The following EPHA10 variants were observed in gnomAD, a reference collection of about 807,000 sequenced individuals.
EPHA10 encodes the protein EPH receptor A10.
In EPHA10, 120 loss-of-function variants were observed where a neutral mutation model predicts 109.7. The ratio of observed to expected loss-of-function variants is 1.09; its 90% CI spans 0.94 to 1.27. EPHA10 has a LOEUF of 1.27. Ranked by LOEUF, EPHA10 falls within the 50% of genes most tolerant of loss-of-function variation. The probability of loss-of-function intolerance (pLI) is 0.00; values close to 1 mark genes in which losing one functional copy is unlikely to be tolerated. For missense variants in EPHA10, 1,396 were observed against 1,411.1 expected, an observed-to-expected ratio of 0.99 and a Z score of 0.17; for synonymous variants, 640 against 618.9, an observed-to-expected ratio of 1.03 and a Z score of -0.51.
At chr1:37,718,561 C>G (rs1557526260) in intron 16 of EPHA10, 75 bp from the exon 17 acceptor site, 3 of 1,611,344 alleles carry the variant, frequency 1.9e-6, no homozygotes, top group Non-Finnish European at 2.5e-6. Context: ...CTCCACTCTC[C>G]CTCCGCTTCT....
At position 37,717,625 on chromosome 1, in the gene EPHA10, A is replaced by C. The variant is rs1195937940; in HGVS notation, c.*747T>G. On this transcript the variant is annotated 3_prime_UTR_variant, in exon 17 of 17. Coordinates refer to ENST00000373048, the MANE Select transcript of EPHA10 (RefSeq NM_001099439.2). ...TCCTGGCCACTAAGTTCATAAAAGG[A>C]ATGCACACGAGGGCCTCATGGGGCC... 4 of 231,458 alleles carry C rather than the reference A, an allele frequency of 1.7e-5. No individual in the cohort carries two copies. Among genetic ancestry groups the C allele is most frequent in the Non-Finnish European group, 2.6e-5 (3 of 117,026 alleles). The allele number at this position is 231,458 out of a possible 1,614,324, so 14.3% of individuals were successfully genotyped here. A position where few individuals can be genotyped will look rare whatever the true frequency, so the allele number is the denominator to read the frequency against.
downstream of EPHA10, chr1:37,714,671 G>A (rs1208550766): frequency 6.6e-6 from 1 of 152,182 alleles, no homozygotes; most frequent in African/African-American, 2.4e-5. Context: ...TGTTAGGGTG[G>A]GCTGGTATGG....
rs1482218223 is a variant in EPHA10 at position 37,716,149 on chromosome 1, T to C, written c.*2223A>G. 1 of 423,010 alleles carries C rather than the reference T, an allele frequency of 2.4e-6. No homozygotes were observed. The highest frequency in any genetic ancestry group is 4.2e-5 in the East Asian group (1 of 23,534). 26.2% of individuals were successfully genotyped at this position (423,010 alleles called of 1,614,324 possible). ...CAAGTTCCATATAAAAATAGATCTG[T>C]AGAGGGTTCCCAGAGAGCCATCGCC... On this transcript the variant is annotated 3_prime_UTR_variant, in exon 17 of 17. Coordinates refer to ENST00000373048, the MANE Select transcript of EPHA10 (RefSeq NM_001099439.2).
At chr1:37,748,806 A>G (rs969182490) in intron 5 of EPHA10, among the ~76,000 whole-genome samples, 5 of 152,134 alleles carry the variant, frequency 3.3e-5, no homozygotes, top group Non-Finnish European at 7.4e-5. Context: ...TCTGATTTTT[A>G]GAAAAAGTTC....
intron 3 of EPHA10, among the ~76,000 whole-genome samples, chr1:37,755,422 G>T (rs1646386173): frequency 6.6e-6 from 1 of 152,144 alleles, no homozygotes; most frequent in Admixed American, 6.5e-5. Flanking sequence ...GGTGGAGGGG[G>T]GTGGGTGGAG....
chr1:37,757,569 C>T (rs1646400081), intron 3 of EPHA10, among the ~76,000 whole-genome samples: 1 of 152,158 alleles, frequency 6.6e-6, no homozygotes, highest in African/African-American at 2.4e-5. Flanking sequence ...CTTTCCTTGG[C>T]ATTGTCCCCA....
chr1:37,754,385 TG>T lies in EPHA10; in HGVS notation c.851-16del. ...TGGGGGACAGGCTGCAGGGCATGGCTGGTGAGAAGAGGGGGCTCCTCCAGTT... is the reference window on the plus strand; with the variant it reads ...TGGGGGACAGGCTGCAGGGCATGGCTGTGAGAAGAGGGGGCTCCTCCAGTT... On this transcript the variant is annotated splice_polypyrimidine_tract_variant and intron_variant, in intron 3 of 16. Coordinates refer to ENST00000373048, the MANE Select transcript of EPHA10 (RefSeq NM_001099439.2). This position sits in a 1 kb window ranked among gnomAD's most constrained non-coding sequence, Gnocchi z 4.5. 1 of 1,292,336 alleles carries T rather than the reference TG, an allele frequency of 7.7e-7. No homozygotes were observed. Among genetic ancestry groups the T allele is most frequent in the South Asian group, 2.8e-5 (1 of 36,000 alleles). 80.1% of individuals were successfully genotyped at this position (1,292,336 alleles called of 1,614,324 possible). A position where few individuals can be genotyped will look rare whatever the true frequency, so the allele number is the denominator to read the frequency against.
chr1:37,726,503 G>A (rs1314495789), intron 8 of EPHA10, among the ~76,000 whole-genome samples: 1 of 152,258 alleles, frequency 6.6e-6, no homozygotes, highest in East Asian at 1.9e-4. Flanking sequence ...TGGCCCTGGG[G>A]AGAAGGGGAG....
chr1:37,754,994 T>A lies in EPHA10; in HGVS notation c.851-624A>T, dbSNP rs922616391. 1.3e-5 allele frequency among the ~76,000 whole-genome samples: 2 copies of A among 152,034 alleles called. No individual in the cohort carries two copies. Among genetic ancestry groups the A allele is most frequent in the African/African-American group, 4.8e-5 (2 of 41,386 alleles). On this transcript the variant is annotated intron_variant, in intron 3 of 16. Transcript: ENST00000373048. This position sits in a 1 kb window ranked among gnomAD's most constrained non-coding sequence, Gnocchi z 4.5. ...TTTGTATTTTTAGTAGAGATGGAGT[T>A]TCACCATGCTGACCAGGCTGGTCTC...
intron 5 of EPHA10, among the ~76,000 whole-genome samples, chr1:37,752,221 T>C (rs1646338402): frequency 6.6e-6 from 1 of 151,922 alleles, no homozygotes; most frequent in Admixed American, 6.6e-5. Context: ...TGTGAAAAGG[T>C]TGTAGGTCTT....
In EPHA10 at chr1:37,761,923, T is replaced by C; in HGVS notation, c.332A>G (p.Asp111Gly). ...IFVELQFTLR[D>G]CSSIPGAAGT... Reference sequence around the variant, plus strand: ...CGCGGCGCCAGGGATGCTGCTGCAGTCACGGAGTGTGAACTGCAGTTCCAC... The same window carrying C: ...CGCGGCGCCAGGGATGCTGCTGCAGCCACGGAGTGTGAACTGCAGTTCCAC... The change falls in exon 3 of 17, where the codon GAC becomes GGC. Residue 111 changes from aspartate to glycine, a missense_variant. Coordinates refer to ENST00000373048, the MANE Select transcript of EPHA10 (RefSeq NM_001099439.2). 1.2e-6 allele frequency: 2 copies of C among 1,613,758 alleles called. No homozygotes were observed. Among genetic ancestry groups the C allele is most frequent in the Middle Eastern group, 1.7e-4 (1 of 6,058 alleles).
At chr1:37,724,397 C>T (rs1031087870) in intron 8 of EPHA10, among the ~76,000 whole-genome samples, 3 of 152,034 alleles carry the variant, frequency 2.0e-5, no homozygotes, top group African/African-American at 7.2e-5. Flanking sequence ...GGAAGAGAGG[C>T]CTGCTCTGCA....
At chr1:37,730,052 C>A (rs535060988) in intron 7 of EPHA10, among the ~76,000 whole-genome samples, 1 of 152,204 alleles carries the variant, frequency 6.6e-6, no homozygotes, top group African/African-American at 2.4e-5. Flanking sequence ...GTCCCCAGCT[C>A]CTGCCCCCAC....
intron 5 of EPHA10, among the ~76,000 whole-genome samples, chr1:37,745,328 G>A (rs561593853): frequency 6.6e-6 from 1 of 152,304 alleles, no homozygotes; most frequent in South Asian, 2.1e-4. Context: ...AAGCCACAAT[G>A]AGATATTACC....
chr1:37,754,664 C>T lies in EPHA10; in HGVS notation c.851-294G>A, dbSNP rs890776670. 2.0e-5 allele frequency among the ~76,000 whole-genome samples: 3 copies of T among 152,020 alleles called. No individual in the cohort carries two copies. The highest frequency in any genetic ancestry group is 2.9e-5 in the Non-Finnish European group (2 of 68,000). On this transcript the variant is annotated intron_variant, in intron 3 of 16. Transcript: ENST00000373048. The surrounding 1 kb of genome is among the most constrained non-coding windows in gnomAD (Gnocchi z 4.5). ...GGCCAAAGCTGGAGATCACTTGAGCCCAGGAGTTGGAGACCAGCCTGGACA... is the reference window on the plus strand; with the variant it reads ...GGCCAAAGCTGGAGATCACTTGAGCTCAGGAGTTGGAGACCAGCCTGGACA...
In EPHA10 at chr1:37,716,884, G is replaced by T. The variant is rs866479841; in HGVS notation, c.*1488C>A. 11 of 233,052 alleles carry T rather than the reference G, an allele frequency of 4.7e-5. No homozygotes were observed. The highest frequency in any genetic ancestry group is 1.3e-3 in the Middle Eastern group (1 of 782). 14.4% of individuals were successfully genotyped at this position (233,052 alleles called of 1,614,324 possible). On this transcript the variant is annotated 3_prime_UTR_variant, in exon 17 of 17. Transcript: ENST00000373048. ...GCCCACCTACCCACTGACCCAGAGG[G>T]CTCCTGGGGGGCCCTGGGCACTGTG...
rs943066568 is a variant in EPHA10 at position 37,718,415 on chromosome 1, T to C, written c.2984A>G (p.Gln995Arg). The change falls in exon 17 of 17, where the codon CAG (glutamine) becomes CGG (arginine). Residue 995 changes from glutamine to arginine, a missense_variant. Transcript: ENST00000373048. The part of the protein sequence containing the change: ...EALLSGISAL[Q>R]ARVLQLQGQG... ...GCCCTGCAGCTGGAGCACTCGTGCC[T>C]GCAGGGCGCTGATCCCGCTGAGGAG... 1.2e-6 allele frequency: 2 copies of C among 1,613,032 alleles called. No homozygotes were observed. The highest frequency in any genetic ancestry group is 1.7e-5 in the Admixed American group (1 of 59,992).
intron 5 of EPHA10, among the ~76,000 whole-genome samples, chr1:37,737,337 G>C (rs189088516): frequency 6.6e-6 from 1 of 151,960 alleles, no homozygotes; most frequent in South Asian, 2.1e-4. Context: ...ACACACAAAA[G>C]GTAGAGTCCT....
At chr1:37,745,393 G>T (rs1325833122) in intron 5 of EPHA10, among the ~76,000 whole-genome samples, 1 of 152,250 alleles carries the variant, frequency 6.6e-6, no homozygotes, top group Non-Finnish European at 1.5e-5. Flanking sequence ...AAGTATTGGT[G>T]AGGAGGCAGA....
Sources: gnomAD v4.1 joint callset for allele counts (sites outside exome capture counted in the v4.1 genomes callset) on GRCh38, gnomAD v4.1.1 for gene constraint, Gnocchi (gnomAD v3.1) non-coding constraint, MANE v1.5 for transcripts, NCBI Gene and HGNC (gene_info 2026-07-23, HGNC 2026-07-21) for gene names.